GPR160: variants seen among roughly 807,000 people sequenced by gnomAD.
GPR160 encodes G protein-coupled receptor 160.
In GPR160, 2 loss-of-function variants were observed where a neutral mutation model predicts 2.6. The ratio of observed to expected loss-of-function variants is 0.77; its 90% CI spans 0.32 to 2.44. The LOEUF (loss-of-function observed/expected upper bound fraction) is 2.44, where lower values mean the gene tolerates loss of function less well. Ranked by LOEUF, GPR160 falls within the 30% of genes most tolerant of loss-of-function variation. The pLI, the probability that GPR160 is intolerant of heterozygous loss-of-function variation, is 0.11. For missense variants in GPR160, 351 were observed against 383.6 expected (o/e 0.91, Z 0.71); for synonymous variants, 130 against 132.2 (o/e 0.98, Z 0.12).
chr3:170,061,882 C>T (rs1409016520), intron 2 of GPR160, among the ~76,000 whole-genome samples: 1 of 152,122 alleles, frequency 6.6e-6, no homozygotes, highest in Non-Finnish European at 1.5e-5. Context: ...TGCGCAGTGG[C>T]TCCTGCCTGG....
intron 2 of GPR160, among the ~76,000 whole-genome samples, chr3:170,048,569 T>C (rs905518165): frequency 3.3e-5 from 5 of 152,200 alleles, no homozygotes; most frequent in African/African-American, 9.7e-5. Context: ...TCATTCCAAT[T>C]TGAATGCACA....
At chr3:170,042,884 C>CTTTTT (rs200374138) in intron 2 of GPR160, among the ~76,000 whole-genome samples, 1 of 124,256 alleles carries the variant, frequency 8.0e-6, no homozygotes, top group Admixed American at 8.8e-5. Flanking sequence ...TCTTCACACA[C>CTTTTT]TTTTTTTTTT....
chr3:170,062,493 TG>T, intron 2 of GPR160: 1 of 612,496 alleles, frequency 1.6e-6, no homozygotes. Flanking sequence ...AACCATTAGC[TG>T]GAATCCACAG....
At chr3:170,052,342 A>G (rs1326615184) in intron 2 of GPR160, among the ~76,000 whole-genome samples, 1 of 152,226 alleles carries the variant, frequency 6.6e-6, no homozygotes, top group African/African-American at 2.4e-5. Flanking sequence ...TTACACCTCA[A>G]ACAGCAGCGT....
At chr3:170,048,048 C>A (rs1315133924) in intron 2 of GPR160, among the ~76,000 whole-genome samples, 1 of 152,106 alleles carries the variant, frequency 6.6e-6, no homozygotes, top group East Asian at 1.9e-4. Context: ...AGGCTGGTCT[C>A]GAACTCCTGA....
Position 170,085,339 on chromosome 3 carries a change from A to G in GPR160, c.*350A>G, listed in dbSNP as rs975028954. On this transcript the variant is annotated 3_prime_UTR_variant, in exon 4 of 4. Coordinates refer to ENST00000355897, the MANE Select transcript of GPR160 (RefSeq NM_014373.3). ...GTTATGTAAATCTGAGATTTCACTG[A>G]CAACTTTAAGATATCAACCTAAACA... The G allele has an allele frequency of 1.7e-5, 3 of 174,668 alleles. No homozygotes were observed. Among genetic ancestry groups the G allele is most frequent in the African/African-American group, 7.2e-5 (3 of 41,792 alleles). The allele number at this position is 174,668 out of a possible 1,614,324, so 10.8% of individuals were successfully genotyped here.
At chr3:170,057,383 A>G (rs979316335) in intron 2 of GPR160, 2 of 152,222 alleles carry the variant, frequency 1.3e-5, no homozygotes, top group African/African-American at 4.8e-5. Flanking sequence ...ATACCCTGCC[A>G]TGATGAAATA....
At chr3:170,064,101 G>T (rs560858954) in intron 2 of GPR160, among the ~76,000 whole-genome samples, 45 of 149,580 alleles carry the variant, frequency 3.0e-4, no homozygotes, top group Non-Finnish European at 6.0e-4. Context: ...TATTTTTTTG[G>T]GGGGGGCATT....
At chr3:170,083,181 C>A (rs1290251706) in intron 3 of GPR160, among the ~76,000 whole-genome samples, 1 of 151,828 alleles carries the variant, frequency 6.6e-6, no homozygotes, top group Non-Finnish European at 1.5e-5. Context: ...ATGTATGTAT[C>A]ACTGAAGCCT....
chr3:170,084,884 T>C lies in GPR160; in HGVS notation c.912T>C (p.Ile304=), dbSNP rs1352148428. The C allele has an allele frequency of 6.2e-7, 1 of 1,607,244 alleles. No homozygotes were observed. Among genetic ancestry groups the C allele is most frequent in the Admixed American group, 1.7e-5 (1 of 59,966 alleles). Residue 304 remains isoleucine, a synonymous_variant, in exon 4 of 4, where the codon ATT becomes ATC. Coordinates refer to ENST00000355897, the MANE Select transcript of GPR160 (RefSeq NM_014373.3). ...FNCHKLNLKD[I]GLPLDPFVNW... ...GTCACAAGCTTAATTTAAAAGACAT[T>C]GGATTACCTTTGGATCCATTTGTCA...
At chr3:170,048,112 A>T (rs1253167520) in intron 2 of GPR160, among the ~76,000 whole-genome samples, 1 of 152,242 alleles carries the variant, frequency 6.6e-6, no homozygotes, top group Non-Finnish European at 1.5e-5. Flanking sequence ...TACAGGCGTG[A>T]GCCACCATGC....
chr3:170,046,988 G>A (rs1192331008), intron 2 of GPR160, among the ~76,000 whole-genome samples: 1 of 152,144 alleles, frequency 6.6e-6, no homozygotes, highest in Non-Finnish European at 1.5e-5. Context: ...AAGCATCCAT[G>A]GTGTCCAGGG....
rs192744435 is a variant in GPR160 at position 170,074,076 on chromosome 3, C to T, written c.-192-5698C>T. Among the ~76,000 whole-genome samples, 1,105 of 151,524 alleles carry T rather than the reference C, an allele frequency of 7.3e-3. 7 individuals are homozygous for T. The highest frequency in any genetic ancestry group is 0.011 in the Admixed American group (164 of 15,214). ...CTAATTTTTGAATTTTTAGTAGAGACGGGGGTTTCACCATATTGGCCAGGA... is the reference window on the plus strand; with the variant it reads ...CTAATTTTTGAATTTTTAGTAGAGATGGGGGTTTCACCATATTGGCCAGGA... On this transcript the variant is annotated intron_variant, in intron 2 of 3. Coordinates refer to ENST00000355897, the MANE Select transcript of GPR160 (RefSeq NM_014373.3).
chr3:170,038,533 G>C lies in GPR160; in HGVS notation c.-322+318G>C, dbSNP rs1306985327. The C allele has an allele frequency of 6.6e-6, 1 of 152,190 alleles. No homozygotes were observed. The highest frequency in any genetic ancestry group is 1.5e-5 in the Non-Finnish European group (1 of 68,068). The allele number at this position is 152,190 out of a possible 1,614,324, so 9.4% of individuals were successfully genotyped here. A position where few individuals can be genotyped will look rare whatever the true frequency, so the allele number is the denominator to read the frequency against. ...GGGCGTGTCCCGCACCCAGAGACTCGCCACCCTCTCTCCAGGGGAGATGCT... is the reference window on the plus strand; with the variant it reads ...GGGCGTGTCCCGCACCCAGAGACTCCCCACCCTCTCTCCAGGGGAGATGCT... On this transcript the variant is annotated intron_variant, in intron 1 of 3. Coordinates refer to ENST00000355897, the MANE Select transcript of GPR160 (RefSeq NM_014373.3). The surrounding 1 kb of genome is among the most constrained non-coding windows in gnomAD (Gnocchi z 5.3).
At chr3:170,064,481 C>T (rs1712186354) in intron 2 of GPR160, among the ~76,000 whole-genome samples, 1 of 151,488 alleles carries the variant, frequency 6.6e-6, no homozygotes, top group African/African-American at 2.4e-5. Context: ...CCTCGACCCT[C>T]CCTACACGGG....
At chr3:170,043,300 G>A (rs112131342) in intron 2 of GPR160, among the ~76,000 whole-genome samples, 4,198 of 152,218 alleles carry the variant, frequency 0.028, 184 homozygotes, top group African/African-American at 0.096. Context: ...TCCTGCCTCA[G>A]CCTTCCACGT....
intron 2 of GPR160, among the ~76,000 whole-genome samples, chr3:170,048,109 G>A (rs1249856167): frequency 6.6e-6 from 1 of 152,174 alleles, no homozygotes; most frequent in East Asian, 1.9e-4. Context: ...GATTACAGGC[G>A]TGAGCCACCA....
At chr3:170,041,266 C>T (rs911672970) in intron 2 of GPR160, among the ~76,000 whole-genome samples, 1 of 150,402 alleles carries the variant, frequency 6.6e-6, no homozygotes. Context: ...AGACCTTGCT[C>T]GTGTAGATTC....
rs1170214808 is a variant in GPR160 at position 170,084,627 on chromosome 3, G to A, written c.655G>A (p.Glu219Lys). 6.2e-7 allele frequency: 1 copy of A among 1,611,504 alleles called. No individual in the cohort carries two copies. Among genetic ancestry groups the A allele is most frequent in the Non-Finnish European group, 8.5e-7 (1 of 1,177,922 alleles). The change falls in exon 4 of 4, where the codon GAA becomes AAA. Residue 219 changes from glutamate to lysine, a missense_variant. By Grantham distance (56) the Glu-to-Lys change is moderately conservative. Transcript: ENST00000355897. ...QAIRITSYMN[E>K]TILYFPFSSH... ...TATCAGGATAACTTCCTATATGAAT[G>A]AAACTATCTTATATTTTCCTTTTTC...
Sources: allele counts gnomAD v4.1 joint callset (sites outside exome capture counted in the v4.1 genomes callset), GRCh38; gene constraint gnomAD v4.1.1; non-coding constraint Gnocchi (gnomAD v3.1); transcripts MANE v1.5; gene names NCBI Gene and HGNC (gene_info 2026-07-23, HGNC 2026-07-21).